Variants in PAK4 observed in about 807,000 individuals in gnomAD.
The protein encoded by PAK4 is p21 (RAC1) activated kinase 4.
A neutral mutation model predicts 53.5 loss-of-function variants in PAK4; 49 were observed. The observed-to-expected ratio is 0.92, with a 90% CI of 0.73 to 1.16. The LOEUF (loss-of-function observed/expected upper bound fraction) is 1.16, where lower values mean the gene tolerates loss of function less well. PAK4 is among the 50% of genes most tolerant of loss of function. The probability of loss-of-function intolerance (pLI) is 0.00; values close to 1 mark genes in which losing one functional copy is unlikely to be tolerated. For missense variants in PAK4, 824 were observed against 850.7 expected (o/e 0.97, Z 0.39); for synonymous variants, 376 against 375.6 (o/e 1.00, Z -0.01).
chr19:39,164,823 C>T (rs1398306287), intron 1 of PAK4, among the ~76,000 whole-genome samples: 1 of 152,056 alleles, frequency 6.6e-6, no homozygotes, highest in East Asian at 1.9e-4. Context: ...TGGTTGAGGG[C>T]GCCTGCGAGC....
At chr19:39,177,314 G>C (rs185305436) in intron 7 of PAK4, among the ~76,000 whole-genome samples, 1 of 152,194 alleles carries the variant, frequency 6.6e-6, no homozygotes, top group African/African-American at 2.4e-5. Context: ...GGTTGGCTCT[G>C]ATTGGCTCAG....
Position 39,175,841 on chromosome 19 carries a change from C to T in PAK4, c.1359+403C>T, listed in dbSNP as rs140087915. Among the ~76,000 whole-genome samples, 3 of 152,342 alleles carry T rather than the reference C, an allele frequency of 2.0e-5. No homozygotes were observed. Among genetic ancestry groups the T allele is most frequent in the Non-Finnish European group, 4.4e-5 (3 of 68,032 alleles). ...AAATCTGAGGCTGTGACAATTATAA[C>T]GTCGGGTGGACATGATTTTCTGTGA... On this transcript the variant is annotated intron_variant, in intron 6 of 8. Transcript: ENST00000358301. The surrounding 1 kb of genome is among the most constrained non-coding windows in gnomAD (Gnocchi z 4.7).
chr19:39,136,876 A>T (rs2073825077), intron 1 of PAK4, among the ~76,000 whole-genome samples: 1 of 152,138 alleles, frequency 6.6e-6, no homozygotes, highest in Non-Finnish European at 1.5e-5. Context: ...ATGCCACTTG[A>T]AGGATGAACT....
chr19:39,174,152 C>T (rs1313259389), intron 4 of PAK4, 142 bp downstream of exon 5: 50 of 635,844 alleles, frequency 7.9e-5, no homozygotes, highest in Non-Finnish European at 9.1e-5. Context: ...CTCCCCAGGC[C>T]GTCTCGTCCG....
At chr19:39,153,604 G>A (rs998986577) in intron 1 of PAK4, among the ~76,000 whole-genome samples, 9 of 152,256 alleles carry the variant, frequency 5.9e-5, no homozygotes, top group South Asian at 2.1e-4. Context: ...GCCACGCCAC[G>A]CCAATTTTTA....
intron 1 of PAK4, among the ~76,000 whole-genome samples, chr19:39,157,078 C>T (rs952236921): frequency 2.6e-5 from 4 of 152,200 alleles, no homozygotes; most frequent in East Asian, 1.9e-4. Flanking sequence ...TGTGGGAGCA[C>T]GCTCCTGGGG....
chr19:39,171,551 TC>T (rs2074479472), intron 2 of PAK4, among the ~76,000 whole-genome samples: 1 of 152,186 alleles, frequency 6.6e-6, no homozygotes, highest in African/African-American at 2.4e-5. Context: ...CACCTTGACT[TC>T]CTGGGGCCCC....
Position 39,178,495 on chromosome 19 carries a change from C to T in PAK4, c.1692C>T (p.Ala564=), listed in dbSNP as rs773736988. 1.1e-5 allele frequency: 18 copies of T among 1,612,086 alleles called. No homozygotes were observed. Among genetic ancestry groups the T allele is most frequent in the African/African-American group, 8.0e-5 (6 of 74,916 alleles). ...ACCCTGCCCAGCGGGCCACGGCAGCCGAGCTGCTGAAGCACCCATTCCTGG... is the reference window on the plus strand; with the variant it reads ...ACCCTGCCCAGCGGGCCACGGCAGCTGAGCTGCTGAAGCACCCATTCCTGG... Residue 564 remains alanine, a synonymous_variant, in exon 9 of 9, where the codon GCC becomes GCT. Transcript: ENST00000358301. This position sits in a 1 kb window ranked among gnomAD's most constrained non-coding sequence, Gnocchi z 4.4.
At chr19:39,159,970 A>G (rs1032228464) in intron 1 of PAK4, among the ~76,000 whole-genome samples, 49 of 152,154 alleles carry the variant, frequency 3.2e-4, no homozygotes, top group African/African-American at 1.0e-3. Flanking sequence ...GGCACCCCCC[A>G]TGTGATTTGG....
At position 39,175,802 on chromosome 19, in the gene PAK4, T is replaced by C. The variant is rs1194310128; in HGVS notation, c.1359+364T>C. Among the ~76,000 whole-genome samples the C allele has an allele frequency of 2.6e-5, 4 of 152,234 alleles. No homozygotes were observed. Among genetic ancestry groups the C allele is most frequent in the African/African-American group, 9.6e-5 (4 of 41,470 alleles). Reference sequence around the variant, plus strand: ...GACCCCAGTCCTGTCTTCCATGCTTTGGACTGAGGTTCCAAATCTGAGGCT... The same window carrying C: ...GACCCCAGTCCTGTCTTCCATGCTTCGGACTGAGGTTCCAAATCTGAGGCT... On this transcript the variant is annotated intron_variant, in intron 6 of 8. Transcript: ENST00000358301. The surrounding 1 kb of genome is among the most constrained non-coding windows in gnomAD (Gnocchi z 4.7).
intron 1 of PAK4, among the ~76,000 whole-genome samples, chr19:39,155,929 C>A (rs542745775): frequency 6.6e-6 from 1 of 152,252 alleles, no homozygotes; most frequent in Non-Finnish European, 1.5e-5. Flanking sequence ...GGCCTTGTCA[C>A]GTTGAGCTGC....
rs567039277 is a variant in PAK4 at position 39,133,427 on chromosome 19, A to C, written c.-23+7508A>C. 5.3e-5 allele frequency among the ~76,000 whole-genome samples: 8 copies of C among 152,220 alleles called. No homozygotes were observed. The East Asian group carries it at 1.5e-3, about 29-fold the overall frequency. On this transcript the variant is annotated intron_variant, in intron 1 of 8. Coordinates refer to ENST00000358301, the Ensembl canonical transcript of PAK4. The stretch of plus-strand genomic sequence containing the variant: ...GACCCTCCCATCAACTCCAAGACAC[A>C]CGTGTTCTTAGGATCTCCCTTTTCT...
At chr19:39,144,776 G>A (rs1413806994) in intron 1 of PAK4, among the ~76,000 whole-genome samples, 1 of 142,910 alleles carries the variant, frequency 7.0e-6, no homozygotes, top group African/African-American at 2.5e-5. Context: ...GTGCATGTGT[G>A]TGAGTGTGTG....
In PAK4 at chr19:39,175,218, C is replaced by T; in HGVS notation, c.1233-94C>T. The T allele has an allele frequency of 1.4e-6, 2 of 1,479,704 alleles. No homozygotes were observed. The highest frequency in any genetic ancestry group is 1.8e-6 in the Non-Finnish European group (2 of 1,091,430). The allele number at this position is 1,479,704 out of a possible 1,614,324, so 91.7% of individuals were successfully genotyped here. A position where few individuals can be genotyped will look rare whatever the true frequency, so the allele number is the denominator to read the frequency against. Reference sequence around the variant, plus strand: ...CCACTCCAGAGTGGGGTCGAGTGGTCTCAGATTCCTCCCACTGCAAGGCAG... The same window carrying T: ...CCACTCCAGAGTGGGGTCGAGTGGTTTCAGATTCCTCCCACTGCAAGGCAG... On this transcript the variant is annotated intron_variant, in intron 5 of 8. Transcript: ENST00000358301. This position sits in a 1 kb window ranked among gnomAD's most constrained non-coding sequence, Gnocchi z 4.7.
intron 1 of PAK4, among the ~76,000 whole-genome samples, chr19:39,148,619 G>A (rs1239287969): frequency 4.0e-5 from 6 of 151,130 alleles, no homozygotes; most frequent in Admixed American, 4.0e-4. Flanking sequence ...ACCATGCCTG[G>A]CTAATTTTTG....
At chr19:39,157,848 G>A (rs2074211612) in intron 1 of PAK4, among the ~76,000 whole-genome samples, 1 of 152,216 alleles carries the variant, frequency 6.6e-6, no homozygotes, top group Non-Finnish European at 1.5e-5. Context: ...CTTTCCATGT[G>A]ACCAGTTCAT....
At chr19:39,143,653 A>AAAG (rs2073950394) in intron 1 of PAK4, among the ~76,000 whole-genome samples, 1 of 150,828 alleles carries the variant, frequency 6.6e-6, no homozygotes, top group South Asian at 2.1e-4. Flanking sequence ...TGAATAAAAG[A>AAAG]AAGAAAATGA....
intron 1 of PAK4, among the ~76,000 whole-genome samples, chr19:39,126,721 G>T (rs1487324341): frequency 6.6e-6 from 1 of 152,120 alleles, no homozygotes; most frequent in African/African-American, 2.4e-5. Flanking sequence ...TGCTCTGGCC[G>T]ACCGCCTCTC....
intron 1 of PAK4, among the ~76,000 whole-genome samples, chr19:39,155,093 C>CCG: frequency 6.6e-6 from 1 of 152,186 alleles, no homozygotes; most frequent in South Asian, 2.1e-4. Flanking sequence ...CGTCTGTCTG[C>CCG]TGTGTGCCGG....
Sources: allele counts gnomAD v4.1 joint callset (sites outside exome capture counted in the v4.1 genomes callset), GRCh38; gene constraint gnomAD v4.1.1; non-coding constraint Gnocchi (gnomAD v3.1); transcripts MANE v1.5; gene names NCBI Gene and HGNC (gene_info 2026-07-23, HGNC 2026-07-21).